F7: variants seen among roughly 807,000 people sequenced by gnomAD.
F7 encodes FVII coagulation protein.
F7 carries 38 observed loss-of-function variants against 47.5 expected under a neutral mutation model. The ratio of observed to expected loss-of-function variants is 0.80; its 90% CI spans 0.62 to 1.05. The LOEUF is 1.05. F7 is among the 50% of genes least tolerant of loss of function. F7 has a pLI of 0.00. For missense variants in F7, 575 were observed against 605.4 expected, an observed-to-expected ratio of 0.95 and a Z score of 0.53; for synonymous variants, 244 against 258.5, an observed-to-expected ratio of 0.94 and a Z score of 0.54.
chr13:113,116,599 G>A (rs1595077932), intron 5 of F7, among the ~76,000 whole-genome samples, 167 bp from the exon 6 acceptor site: 2 of 152,308 alleles, frequency 1.3e-5, no homozygotes, highest in East Asian at 1.9e-4. Context: ...AGGCCCAGCC[G>A]AGGCCCTGCC....
chr13:113,115,160 G>A (rs573635520), intron 4 of F7, among the ~76,000 whole-genome samples: 1 of 152,330 alleles, frequency 6.6e-6, no homozygotes, highest in East Asian at 1.9e-4. Flanking sequence ...CAGGCTGCCG[G>A]TTCTGCTTCT....
In F7 at chr13:113,105,798, T is replaced by G; in HGVS notation, c.-44T>G. On this transcript the variant is annotated 5_prime_UTR_variant, in exon 1 of 8. An upstream start codon of the reference 5' UTR is lost. Coordinates refer to ENST00000346342, the MANE Select transcript of F7 (RefSeq NM_019616.4). ...CAGAGAACTTTGCCCGTCAGTCCCATGGGGAATGTCAACAGGCAGGGGCAG... is the reference window on the plus strand; with the variant it reads ...CAGAGAACTTTGCCCGTCAGTCCCAGGGGGAATGTCAACAGGCAGGGGCAG... 1 of 1,560,226 alleles carries G rather than the reference T, an allele frequency of 6.4e-7. No individual in the cohort carries two copies. Among genetic ancestry groups the G allele is most frequent in the Non-Finnish European group, 8.7e-7 (1 of 1,150,032 alleles).
chr13:113,110,717 G>T lies in F7; in HGVS notation c.92G>T (p.Gly31Val). 1 of 1,548,712 alleles carries T rather than the reference G, an allele frequency of 6.5e-7. No homozygotes were observed. Residue 31 changes from glycine to valine, a missense_variant, in exon 2 of 8, where the codon GGC becomes GTC. By Grantham distance (109) the Gly-to-Val change is moderately radical. Coordinates refer to ENST00000346342, the MANE Select transcript of F7 (RefSeq NM_019616.4). Reference sequence around the variant, plus strand: ...TTCGTAACCCAGGAGGAAGCCCACGGCGTCCTGCACCGGCGCCGGCGCGCC... The same window carrying T: ...TTCGTAACCCAGGAGGAAGCCCACGTCGTCCTGCACCGGCGCCGGCGCGCC... ...AVFVTQEEAH[G>V]VLHRRRRANA...
Position 113,110,747 on chromosome 13 carries a change from C to G in F7, c.122C>G (p.Ala41Gly). The G allele has an allele frequency of 1.3e-6, 2 of 1,549,104 alleles. No homozygotes were observed. The highest frequency in any genetic ancestry group is 1.4e-5 in the African/African-American group (1 of 73,100). The stretch of plus-strand genomic sequence containing the variant: ...CTGCACCGGCGCCGGCGCGCCAACG[C>G]GTTCCTGGAGGAGCTGCGGCCGGGC... ...GVLHRRRRAN[A>G]FLEELRPGSL... is the part of the protein sequence containing the mutation. Residue 41 changes from alanine to glycine, a missense_variant, in exon 2 of 8, where the codon GCG becomes GGG. Physicochemically the swap from Ala to Gly is moderately conservative, Grantham distance 60. Coordinates refer to ENST00000346342, the MANE Select transcript of F7 (RefSeq NM_019616.4).
At chr13:113,115,825 C>T (rs1343854157) in intron 5 of F7, 25 bp downstream of exon 5, 4 of 1,612,636 alleles carry the variant, frequency 2.5e-6, no homozygotes, top group Non-Finnish European at 3.4e-6. Context: ...TGTCCCAGTC[C>T]CAGATGACAC....
rs755010915 is a variant in F7, at chr13:113,105,855, C to T, written c.14C>T (p.Ala5Val). Residue 5 changes from alanine (A) to valine (V), a missense_variant, in exon 1 of 8, where the codon GCC becomes GTC. Ala to Val is a moderately conservative substitution (Grantham distance 64, BLOSUM62 0). Transcript: ENST00000346342. ...AGAGATTTCATCATGGTCTCCCAGG[C>T]CCTCAGGCTCCTCTGCCTTCTGCTT... MVSQ[A>V]LRLLCLLLGL... 2 of 1,590,182 alleles carry T rather than the reference C, an allele frequency of 1.3e-6. No individual in the cohort carries two copies.
intron 2 of F7, among the ~76,000 whole-genome samples, chr13:113,111,119 A>G (rs1044642733): frequency 5.3e-5 from 8 of 152,152 alleles, no homozygotes; most frequent in Non-Finnish European, 1.2e-4. Flanking sequence ...TGCAAAGCAC[A>G]CTTAGGGTGT....
chr13:113,107,287 CA>C (rs2035981453), intron 1 of F7, among the ~76,000 whole-genome samples: 1 of 72,092 alleles, frequency 1.4e-5, no homozygotes. Context: ...GTGGGTGTCC[CA>C]GGAGTGTGGG....
chr13:113,117,108 G>A (rs1053185502), intron 6 of F7: 11 of 635,946 alleles, frequency 1.7e-5, no homozygotes, highest in African/African-American at 1.6e-4. Flanking sequence ...AACCCTGCGA[G>A]ATGCCCCATC....
intron 1 of F7, among the ~76,000 whole-genome samples, chr13:113,107,291 AGTGT>A (rs2035982033): frequency 1.9e-5 from 1 of 53,226 alleles, no homozygotes; most frequent in Non-Finnish European, 3.8e-5. Flanking sequence ...GTGTCCCAGG[AGTGT>A]GGGTGTCCCG....
rs1290366819 is a variant in F7, at chr13:113,106,985, A to G, written c.64+1080A>G. 8 of 1,509,110 alleles carry G rather than the reference A, an allele frequency of 5.3e-6. No homozygotes were observed. The Admixed American group carries it at 1.2e-4, about 22-fold the overall frequency. The allele number at this position is 1,509,110 out of a possible 1,614,324, so 93.5% of individuals were successfully genotyped here. A position where few individuals can be genotyped will look rare whatever the true frequency, so the allele number is the denominator to read the frequency against. Reference sequence around the variant, plus strand: ...CATCACCTCCTTCCCCTCCCATGGCAAAGAGCCAGCCCGCGGGGTGGCTAC... The same window carrying G: ...CATCACCTCCTTCCCCTCCCATGGCGAAGAGCCAGCCCGCGGGGTGGCTAC... On this transcript the variant is annotated intron_variant, in intron 1 of 7. Transcript: ENST00000346342.
In F7 at chr13:113,117,579, A is replaced by C; in HGVS notation, c.722A>C (p.Asn241Thr). ...TTCGACAAAATCAAGAACTGGAGGAACCTGATCGCGGTGCTGGGTGGGTAC... is the reference window on the plus strand; with the variant it reads ...TTCGACAAAATCAAGAACTGGAGGACCCTGATCGCGGTGCTGGGTGGGTAC... ...HCFDKIKNWR[N>T]LIAVLGEHDL... The change falls in exon 7 of 8, where the codon AAC (asparagine) becomes ACC (threonine). Residue 241 changes from asparagine to threonine, a missense_variant. By Grantham distance (65) the Asn-to-Thr change is moderately conservative. Transcript: ENST00000346342. The C allele has an allele frequency of 6.2e-7, 1 of 1,613,496 alleles. No homozygotes were observed. Among genetic ancestry groups the C allele is most frequent in the Non-Finnish European group, 8.5e-7 (1 of 1,179,876 alleles).
Position 113,113,696 on chromosome 13 carries a change from C to T in F7, c.226-56C>T, listed in dbSNP as rs375571197. 26 of 1,553,870 alleles carry T rather than the reference C, an allele frequency of 1.7e-5. No individual in the cohort carries two copies. The highest frequency in any genetic ancestry group is 4.5e-5 in the East Asian group (2 of 44,634). On this transcript the variant is annotated intron_variant, in intron 2 of 7. Transcript: ENST00000346342. This position sits in a 1 kb window ranked among gnomAD's most constrained non-coding sequence, Gnocchi z 4.1. ...AGTTCATGGTGTGTCCAGTGCTTACCGTTGGGTGCTCTGGTGAAGGTGCAT... is the reference window on the plus strand; with the variant it reads ...AGTTCATGGTGTGTCCAGTGCTTACTGTTGGGTGCTCTGGTGAAGGTGCAT...
At chr13:113,110,588 G>C in intron 1 of F7, 102 bp from the exon 2 acceptor site, 2 of 1,483,032 alleles carry the variant, frequency 1.3e-6, no homozygotes, top group Admixed American at 2.0e-5. Context: ...CCTCCAGGAC[G>C]GGCGGGAACC....
Position 113,118,831 on chromosome 13 carries a change from T to G in F7, c.1158T>G (p.His386Gln), listed in dbSNP as rs121964936. 13 of 1,612,736 alleles carry G rather than the reference T, an allele frequency of 8.1e-6. No homozygotes were observed. The East Asian group carries it at 2.9e-4, about 36-fold the overall frequency. The change falls in exon 8 of 8, where the codon CAT becomes CAG. Residue 386 changes from histidine to glutamine, a missense_variant. Coordinates refer to ENST00000346342, the MANE Select transcript of F7 (RefSeq NM_019616.4). ...DSCKGDSGGPHATHYRGTWYL... is the reference protein window; with the variant it reads ...DSCKGDSGGPQATHYRGTWYL... ...GCAAGGGGGACAGTGGAGGCCCACATGCCACCCACTACCGGGGCACGTGGT... is the reference window on the plus strand; with the variant it reads ...GCAAGGGGGACAGTGGAGGCCCACAGGCCACCCACTACCGGGGCACGTGGT...
rs1268020417 is a variant in F7, at chr13:113,107,340, GGGGCGTGGGTGTCCC to G, written c.64+1439_64+1453del. Among the ~76,000 whole-genome samples, 238 of 75,304 alleles carry G rather than the reference GGGGCGTGGGTGTCCC, an allele frequency of 3.2e-3. 1 individual carries two copies. The highest frequency in any genetic ancestry group is 8.2e-3 in the Middle Eastern group (1 of 122). 49.4% of individuals were successfully genotyped at this position (75,304 alleles called of 152,430 possible). On this transcript the variant is annotated intron_variant, in intron 1 of 7. Coordinates refer to ENST00000346342, the MANE Select transcript of F7 (RefSeq NM_019616.4). ...GTGTCCCGGGAGTGTGGGTGTCCCG[GGGGCGTGGGTGTCCC>G]GGGAGTGTGGGTGTCCCGGAGGCGA...
intron 4 of F7, 109 bp from the exon 5 acceptor site, chr13:113,115,551 C>A: frequency 7.8e-7 from 1 of 1,274,170 alleles, no homozygotes; most frequent in Non-Finnish European, 1.1e-6. Context: ...CAGCTCAGTG[C>A]CACCTTCCAG....
At chr13:113,118,314 G>C in intron 7 of F7, 99 bp from the exon 8 acceptor site, 1 of 1,331,646 alleles carries the variant, frequency 7.5e-7, no homozygotes, top group Non-Finnish European at 1.0e-6. Context: ...GGAGACTGCA[G>C]CCCCTGCAGA....
chr13:113,106,696 G>C (rs1347460997), intron 1 of F7: 5 of 633,630 alleles, frequency 7.9e-6, no homozygotes, highest in South Asian at 1.8e-5. Flanking sequence ...CGAGTAGGGG[G>C]TGTGGCGTGA....
Sources: allele counts gnomAD v4.1 joint callset (sites outside exome capture counted in the v4.1 genomes callset), GRCh38; gene constraint gnomAD v4.1.1; non-coding constraint Gnocchi (gnomAD v3.1); transcripts MANE v1.5; gene names NCBI Gene and HGNC (gene_info 2026-07-23, HGNC 2026-07-21).